The following TFEC variants were observed in gnomAD, a reference collection of about 807,000 sequenced individuals.
TFEC encodes the protein transcription factor EC.
TFEC carries 31 observed loss-of-function variants against 41.6 expected under a neutral mutation model. The ratio of observed to expected loss-of-function variants is 0.74; its 90% CI spans 0.56 to 1.01. The LOEUF (loss-of-function observed/expected upper bound fraction) is 1.01. Ranked by LOEUF, TFEC falls within the 50% of genes least tolerant of loss-of-function variation. The pLI, the probability that TFEC is intolerant of heterozygous loss-of-function variation, is 0.00. For missense variants in TFEC, 402 were observed against 404.1 expected (o/e 0.99, Z 0.04); for synonymous variants, 143 against 140.6 (o/e 1.02, Z -0.12).
At chr7:116,053,966 T>G (rs1796372511) in intron 3 of TFEC, among the ~76,000 whole-genome samples, 1 of 152,252 alleles carries the variant, frequency 6.6e-6, no homozygotes, top group Admixed American at 6.5e-5. Context: ...CCTAATATGG[T>G]ATGTCTAACT....
At chr7:115,962,998 C>A (rs953936952) in intron 3 of TFEC, among the ~76,000 whole-genome samples, 2 of 151,640 alleles carry the variant, frequency 1.3e-5, no homozygotes, top group African/African-American at 4.8e-5. Flanking sequence ...CTATCCCTCC[C>A]CCAGTCCCCC....
chr7:116,046,929 C>T (rs1405029542), intron 3 of TFEC, among the ~76,000 whole-genome samples: 1 of 152,164 alleles, frequency 6.6e-6, no homozygotes, highest in East Asian at 1.9e-4. Flanking sequence ...TTAAAACCCT[C>T]TCAGGGAGAA....
chr7:116,050,289 G>A (rs1796276533), intron 3 of TFEC, among the ~76,000 whole-genome samples: 1 of 152,162 alleles, frequency 6.6e-6, no homozygotes, highest in South Asian at 2.1e-4. Flanking sequence ...AATAAAAAAT[G>A]ATAAAGGGGA....
rs867018796 is a variant in TFEC, at chr7:115,936,568, C to T, written c.*3983G>A. On this transcript the variant is annotated 3_prime_UTR_variant, in exon 8 of 8. Transcript: ENST00000265440. Reference sequence around the variant, plus strand: ...TAGTTATGCCATTTATTTATTTGAACGTTTAAATTCCACAATATCCAAACA... The same window carrying T: ...TAGTTATGCCATTTATTTATTTGAATGTTTAAATTCCACAATATCCAAACA... 6.6e-6 allele frequency: 1 copy of T among 151,556 alleles called. No homozygotes were observed. The highest frequency in any genetic ancestry group is 1.5e-5 in the Non-Finnish European group (1 of 67,632). The allele number at this position is 151,556 out of a possible 1,614,324, so 9.4% of individuals were successfully genotyped here. A position where few individuals can be genotyped will look rare whatever the true frequency, so the allele number is the denominator to read the frequency against.
chr7:115,942,930 G>A (rs956891674), intron 6 of TFEC, among the ~76,000 whole-genome samples: 2 of 151,898 alleles, frequency 1.3e-5, no homozygotes, highest in Admixed American at 1.3e-4. Flanking sequence ...GGAAAACCTG[G>A]ATACATTTTG....
chr7:116,078,677 T>C (rs1216660857), intron 3 of TFEC, among the ~76,000 whole-genome samples: 1 of 152,078 alleles, frequency 6.6e-6, no homozygotes, highest in Non-Finnish European at 1.5e-5. Flanking sequence ...AGCAGTGATA[T>C]TGAAATGGTA....
At chr7:116,048,289 A>G (rs1796221233) in intron 3 of TFEC, among the ~76,000 whole-genome samples, 1 of 152,258 alleles carries the variant, frequency 6.6e-6, no homozygotes, top group African/African-American at 2.4e-5. Context: ...TCCTTAAAAG[A>G]CCTGAAGGAG....
At chr7:116,153,858 TAGG>T (rs1188530840) in intron 1 of TFEC, among the ~76,000 whole-genome samples, 1 of 152,050 alleles carries the variant, frequency 6.6e-6, no homozygotes, top group Non-Finnish European at 1.5e-5. Context: ...CTTAAAAAAT[TAGG>T]AGGACACCAG....
At chr7:116,068,487 A>C (rs1395322887) in intron 3 of TFEC, among the ~76,000 whole-genome samples, 1 of 151,760 alleles carries the variant, frequency 6.6e-6, no homozygotes, top group Non-Finnish European at 1.5e-5. Context: ...AGAAATAATT[A>C]AGCTAAGTCT....
chr7:116,017,300 C>T (rs1328276520), intron 1 of TFEC, among the ~76,000 whole-genome samples: 3 of 152,182 alleles, frequency 2.0e-5, no homozygotes, highest in Non-Finnish European at 4.4e-5. Context: ...CCACTCACTG[C>T]AACCTCTGCC....
chr7:116,015,416 A>G (rs1197854848), intron 1 of TFEC, among the ~76,000 whole-genome samples: 1 of 151,916 alleles, frequency 6.6e-6, no homozygotes, highest in Non-Finnish European at 1.5e-5. Context: ...AGATGAGAAC[A>G]AATTACAATA....
At chr7:116,101,693 T>C (rs980430990) in intron 3 of TFEC, among the ~76,000 whole-genome samples, 3 of 141,812 alleles carry the variant, frequency 2.1e-5, no homozygotes, top group Non-Finnish European at 3.1e-5. Flanking sequence ...TTGGGGGGAG[T>C]TGGGGCAGGG....
chr7:115,940,800 C>T lies in TFEC; in HGVS notation c.795G>A (p.Leu265=). Residue 265 remains leucine (L), a synonymous_variant, in exon 8 of 8, where the codon CTG becomes CTA. Coordinates refer to ENST00000265440, the MANE Select transcript of TFEC (RefSeq NM_012252.4). ...EQNSVDYCQQ[L]TVSQGPSPEL... Reference sequence around the variant, plus strand: ...CAGGGCTTGGCCCCTGAGACACAGTCAGTTGTTGGCAATAGTCTACTGAAT... The same window carrying T: ...CAGGGCTTGGCCCCTGAGACACAGTTAGTTGTTGGCAATAGTCTACTGAAT... 1 of 1,613,520 alleles carries T rather than the reference C, an allele frequency of 6.2e-7. No individual in the cohort carries two copies. Among genetic ancestry groups the T allele is most frequent in the South Asian group, 1.1e-5 (1 of 91,050 alleles).
intron 1 of TFEC, among the ~76,000 whole-genome samples, chr7:116,153,234 G>A (rs995020368): frequency 6.7e-6 from 1 of 150,326 alleles, no homozygotes; most frequent in African/African-American, 2.4e-5. Flanking sequence ...TGGCGATGTT[G>A]TGGGTGTTTT....
chr7:115,971,676 G>C (rs772638162), intron 3 of TFEC, among the ~76,000 whole-genome samples: 1 of 151,938 alleles, frequency 6.6e-6, no homozygotes, highest in South Asian at 2.1e-4. Context: ...AAGGAAATGG[G>C]GCCACCAGAA....
intron 3 of TFEC, among the ~76,000 whole-genome samples, chr7:116,046,933 G>A (rs73448939): frequency 0.02 from 3,054 of 152,196 alleles, 91 homozygotes; most frequent in African/African-American, 0.068. Flanking sequence ...AACCCTCTCA[G>A]GGAGAATACC....
At chr7:116,088,179 CT>C (rs1797242838) in intron 3 of TFEC, among the ~76,000 whole-genome samples, 1 of 152,050 alleles carries the variant, frequency 6.6e-6, no homozygotes, top group Non-Finnish European at 1.5e-5. Flanking sequence ...GGATAACTTG[CT>C]TGGGGAAGCA....
chr7:116,113,017 G>A (rs1177291207), intron 1 of TFEC, among the ~76,000 whole-genome samples: 1 of 151,990 alleles, frequency 6.6e-6, no homozygotes, highest in Admixed American at 6.6e-5. Context: ...GAAAAATAAA[G>A]TGGAATTCAC....
intron 1 of TFEC, among the ~76,000 whole-genome samples, chr7:116,020,143 G>C (rs1795339335): frequency 6.6e-6 from 1 of 152,114 alleles, no homozygotes; most frequent in East Asian, 1.9e-4. Context: ...GATAGGTTAA[G>C]GACTTCTGAA....
Sources: gnomAD v4.1 joint callset for allele counts (sites outside exome capture counted in the v4.1 genomes callset) on GRCh38, gnomAD v4.1.1 for gene constraint, MANE v1.5 for transcripts, NCBI Gene and HGNC (gene_info 2026-07-23, HGNC 2026-07-21) for gene names.